Variants in SLC27A2 observed in about 807,000 individuals in gnomAD.
The protein encoded by SLC27A2 is solute carrier family 27 member 2.
In SLC27A2, 54 loss-of-function variants were observed where a neutral mutation model predicts 60.0. That is an observed-to-expected ratio of 0.90 (90% CI 0.72 to 1.13). SLC27A2 has a LOEUF of 1.13. SLC27A2 is among the 50% of genes most tolerant of loss of function. The pLI, the probability that SLC27A2 is intolerant of heterozygous loss-of-function variation, is 0.00. For synonymous variants in SLC27A2, 297 were observed against 297.6 expected, an observed-to-expected ratio of 1.00 and a Z score of 0.02; for missense variants, 739 against 777.6, an observed-to-expected ratio of 0.95 and a Z score of 0.59.
chr15:50,201,762 A>G (rs1405926753), intron 2 of SLC27A2, among the ~76,000 whole-genome samples: 1 of 151,974 alleles, frequency 6.6e-6, no homozygotes, highest in South Asian at 2.1e-4. Context: ...TCACCATGTT[A>G]GCCAGGATGG....
intron 3 of SLC27A2, 143 bp from the exon 4 acceptor site, chr15:50,205,096 C>T: frequency 1.1e-6 from 1 of 872,192 alleles, no homozygotes; most frequent in Non-Finnish European, 1.6e-6. Context: ...TAATTTTTTG[C>T]ATTTGAATAT....
intron 4 of SLC27A2, among the ~76,000 whole-genome samples, chr15:50,220,499 C>T (rs16963426): frequency 0.15 from 22,870 of 152,168 alleles, 1,777 homozygotes; most frequent in Middle Eastern, 0.18. Flanking sequence ...GGGCTGCTGG[C>T]GGGCTGCATG....
intron 4 of SLC27A2, among the ~76,000 whole-genome samples, chr15:50,208,818 T>C (rs193159220): frequency 6.6e-6 from 1 of 152,260 alleles, no homozygotes; most frequent in Non-Finnish European, 1.5e-5. Context: ...GCCTTTGCTT[T>C]CAAAGCGACT....
At chr15:50,216,262 A>G (rs1373832953) in intron 4 of SLC27A2, among the ~76,000 whole-genome samples, 1 of 152,144 alleles carries the variant, frequency 6.6e-6, no homozygotes, top group Non-Finnish European at 1.5e-5. Flanking sequence ...ATGCGATACC[A>G]CCTTACTCCT....
At position 50,197,532 on chromosome 15, in the gene SLC27A2, A is replaced by G. The variant is rs773352536; in HGVS notation, c.511A>G (p.Ser171Gly). 5.0e-6 allele frequency: 8 copies of G among 1,614,080 alleles called. No individual in the cohort carries two copies. Among genetic ancestry groups the G allele is most frequent in the Non-Finnish European group, 6.8e-6 (8 of 1,179,962 alleles). ...LQAAVEEILPSLKKDDVSIYY... is the reference protein window; with the variant it reads ...LQAAVEEILPGLKKDDVSIYY... ...AGCAGCTGTCGAAGAGATACTGCCA[A>G]GCCTTAAAAAAGATGATGTGTCCAT... Residue 171 changes from serine (S) to glycine (G), a missense_variant, in exon 2 of 10, where the codon AGC becomes GGC. Physicochemically the swap from Ser to Gly is moderately conservative, Grantham distance 56. Transcript: ENST00000267842.
At chr15:50,223,977 C>A (rs560018445) in intron 5 of SLC27A2, among the ~76,000 whole-genome samples, 1 of 152,198 alleles carries the variant, frequency 6.6e-6, no homozygotes, top group African/African-American at 2.4e-5. Flanking sequence ...TGCGTAAGAG[C>A]CCTGGCTGTG....
chr15:50,205,638 T>C (rs1324355109), intron 4 of SLC27A2, among the ~76,000 whole-genome samples: 1 of 152,148 alleles, frequency 6.6e-6, no homozygotes, highest in East Asian at 1.9e-4. Flanking sequence ...CCCCCTCTGC[T>C]TACTAAAAGC....
chr15:50,231,492 G>C (rs2045316627), intron 8 of SLC27A2, among the ~76,000 whole-genome samples: 1 of 151,968 alleles, frequency 6.6e-6, no homozygotes, highest in South Asian at 2.1e-4. Context: ...TAAATTTTAT[G>C]TTATGTGTTT....
intron 2 of SLC27A2, among the ~76,000 whole-genome samples, chr15:50,199,634 C>G (rs1032007144): frequency 1.3e-5 from 2 of 151,988 alleles, no homozygotes; most frequent in Non-Finnish European, 2.9e-5. Context: ...TTCTCTGAAT[C>G]AAATATTTGC....
chr15:50,219,446 T>A (rs2045227927), intron 4 of SLC27A2, among the ~76,000 whole-genome samples: 1 of 151,992 alleles, frequency 6.6e-6, no homozygotes, highest in Non-Finnish European at 1.5e-5. Context: ...TTTCTTTTTT[T>A]TGTGGGGGGT....
At position 50,223,034 on chromosome 15, in the gene SLC27A2, C is replaced by T; in HGVS notation, c.1042C>T (p.Gln348Ter). 1 of 1,613,820 alleles carries T rather than the reference C, an allele frequency of 6.2e-7. No homozygotes were observed. The change falls in exon 5 of 10, where the codon CAA becomes TAA. Residue 348 changes from glutamine (Q) to a stop codon, truncating the protein, a stop_gained. Coordinates refer to ENST00000267842, the MANE Select transcript of SLC27A2 (RefSeq NM_003645.4). LOFTEE classifies it high-confidence loss of function. Reference protein sequence around the residue: ...GNGLRGDVWRQFVKRFGDICI... With the variant: ...GNGLRGDVWR Reference sequence around the variant, plus strand: ...TGGCTTACGAGGAGATGTGTGGAGACAATTTGTCAAGAGATTTGGGGACAT... The same window carrying T: ...TGGCTTACGAGGAGATGTGTGGAGATAATTTGTCAAGAGATTTGGGGACAT...
intron 4 of SLC27A2, among the ~76,000 whole-genome samples, chr15:50,220,284 T>C (rs919066236): frequency 6.6e-6 from 1 of 152,186 alleles, no homozygotes; most frequent in Non-Finnish European, 1.5e-5. Context: ...ACCTGGCCAC[T>C]AATTATTGAA....
At chr15:50,212,410 C>A (rs7165742) in intron 4 of SLC27A2, among the ~76,000 whole-genome samples, 2,501 of 152,250 alleles carry the variant, frequency 0.016, 69 homozygotes, top group African/African-American at 0.058. Flanking sequence ...CCTTGCTAGA[C>A]CTAGACATGC....
intron 2 of SLC27A2, among the ~76,000 whole-genome samples, chr15:50,198,028 A>T (rs1250831264): frequency 1.3e-5 from 2 of 152,068 alleles, no homozygotes; most frequent in Non-Finnish European, 2.9e-5. Context: ...TTGTATTTTG[A>T]TTATATTACA....
At chr15:50,188,043 G>A (rs568677462) in intron 1 of SLC27A2, among the ~76,000 whole-genome samples, 1 of 151,576 alleles carries the variant, frequency 6.6e-6, no homozygotes, top group South Asian at 2.1e-4. Context: ...ATGGGATGGA[G>A]AAATAAGATG....
chr15:50,188,829 G>A (rs895150266), intron 1 of SLC27A2, among the ~76,000 whole-genome samples: 2 of 152,064 alleles, frequency 1.3e-5, no homozygotes, highest in African/African-American at 2.4e-5. Flanking sequence ...GCATGGTGGC[G>A]GGCATCCGTA....
chr15:50,217,316 T>C (rs925699967), intron 4 of SLC27A2, among the ~76,000 whole-genome samples: 8 of 152,110 alleles, frequency 5.3e-5, no homozygotes, highest in African/African-American at 1.9e-4. Context: ...TTCCACTGTG[T>C]GGGAGACAGG....
chr15:50,231,947 AAG>A (rs1364777788), intron 8 of SLC27A2, among the ~76,000 whole-genome samples: 3 of 152,236 alleles, frequency 2.0e-5, no homozygotes, highest in Admixed American at 2.0e-4. Context: ...AGGGCATGTA[AAG>A]AGAGGCTGGA....
chr15:50,196,721 T>C (rs982817822), intron 1 of SLC27A2, among the ~76,000 whole-genome samples: 1 of 152,238 alleles, frequency 6.6e-6, no homozygotes, highest in Non-Finnish European at 1.5e-5. Context: ...GACCCACAGG[T>C]TGGGAAACAC....
Sources: gnomAD v4.1 joint callset for allele counts (sites outside exome capture counted in the v4.1 genomes callset) on GRCh38, gnomAD v4.1.1 for gene constraint, MANE v1.5 for transcripts, NCBI Gene and HGNC (gene_info 2026-07-23, HGNC 2026-07-21) for gene names.